The following WWC1 variants were observed in gnomAD, a reference collection of about 807,000 sequenced individuals.
WWC1 encodes protein KIBRA.
A neutral mutation model predicts 138.4 loss-of-function variants in WWC1; 55 were observed. The observed-to-expected ratio is 0.40, with a 90% CI of 0.32 to 0.50. The LOEUF is 0.50. Among genes scored for constraint, WWC1 ranks in the 20% least tolerant of loss-of-function variants. WWC1 has a pLI of 0.72. For synonymous variants in WWC1, 524 were observed against 564.9 expected (o/e 0.93, Z 1.03); for missense variants, 1,226 against 1,420.4 (o/e 0.86, Z 2.20).
intron 4 of WWC1, among the ~76,000 whole-genome samples, chr5:168,398,785 G>A (rs1313541738): frequency 6.6e-6 from 1 of 152,196 alleles, no homozygotes; most frequent in East Asian, 1.9e-4. Context: ...GTGTAACCAG[G>A]AGAGGTCTGC....
chr5:168,380,977 G>A (rs1291187339), intron 2 of WWC1, among the ~76,000 whole-genome samples: 1 of 151,964 alleles, frequency 6.6e-6, no homozygotes, highest in Non-Finnish European at 1.5e-5. Context: ...AAATTGCCTG[G>A]GAGCGTCCAG....
chr5:168,359,036 GT>G (rs1561654998), intron 1 of WWC1, among the ~76,000 whole-genome samples: 2 of 16,866 alleles, frequency 1.2e-4, no homozygotes. Context: ...GTGGTGGGGT[GT>G]GTGTGTGTGT....
intron 17 of WWC1, 127 bp from the exon 18 acceptor site, chr5:168,453,841 C>G: frequency 6.7e-7 from 1 of 1,490,516 alleles, no homozygotes; most frequent in Admixed American, 2.7e-5. Flanking sequence ...CCTGGCCCCC[C>G]AAAACTTTTT....
At chr5:168,373,785 G>C (rs184207627) in intron 2 of WWC1, among the ~76,000 whole-genome samples, 1 of 131,382 alleles carries the variant, frequency 7.6e-6, no homozygotes, top group Non-Finnish European at 1.6e-5. Context: ...AGTGGCTCAC[G>C]CCTGTAATCC....
At chr5:168,327,958 G>A (rs1314624525) in intron 1 of WWC1, among the ~76,000 whole-genome samples, 2 of 152,208 alleles carry the variant, frequency 1.3e-5, no homozygotes, top group East Asian at 1.9e-4. Flanking sequence ...CATGTGGGTG[G>A]ATGTGGACTT....
chr5:168,438,389 C>T (rs1359211808), intron 15 of WWC1, among the ~76,000 whole-genome samples: 1 of 152,154 alleles, frequency 6.6e-6, no homozygotes, highest in Non-Finnish European at 1.5e-5. Context: ...GCTTTTCCCA[C>T]TTTTGTTCGG....
At chr5:168,442,340 T>G (rs2152871975) in intron 16 of WWC1, among the ~76,000 whole-genome samples, 1 of 149,394 alleles carries the variant, frequency 6.7e-6, no homozygotes, top group East Asian at 2.0e-4. Context: ...CGGAGCCTCA[T>G]GCCTATAATC....
chr5:168,452,240 G>T (rs150624912), intron 17 of WWC1, among the ~76,000 whole-genome samples: 1 of 152,090 alleles, frequency 6.6e-6, no homozygotes, highest in African/African-American at 2.4e-5. Context: ...TATACTTACC[G>T]TATGACCCAG....
chr5:168,451,901 G>GTTTTT (rs1299790742), intron 17 of WWC1, among the ~76,000 whole-genome samples: 6 of 83,016 alleles, frequency 7.2e-5, no homozygotes, highest in Admixed American at 1.5e-4. Flanking sequence ...ATTTGTTGGT[G>GTTTTT]TCTTTTTTTT....
chr5:168,296,090 G>T (rs1769516939), intron 1 of WWC1, among the ~76,000 whole-genome samples: 1 of 152,202 alleles, frequency 6.6e-6, no homozygotes, highest in African/African-American at 2.4e-5. Flanking sequence ...TAGCGAAGGG[G>T]CCAGCGTCCT....
At chr5:168,358,777 GAC>G (rs1461163280) in intron 1 of WWC1, among the ~76,000 whole-genome samples, 1 of 148,834 alleles carries the variant, frequency 6.7e-6, no homozygotes, top group East Asian at 2.3e-4. Context: ...TATGAGCTTT[GAC>G]ACGCATATAT....
intron 19 of WWC1, among the ~76,000 whole-genome samples, chr5:168,455,900 A>G (rs1756270550): frequency 6.6e-6 from 1 of 152,078 alleles, no homozygotes. Flanking sequence ...TGAGGCTGCA[A>G]AATTACAGCA....
intron 2 of WWC1, among the ~76,000 whole-genome samples, chr5:168,378,299 T>A (rs1231479747): frequency 6.6e-6 from 1 of 152,056 alleles, no homozygotes; most frequent in African/African-American, 2.4e-5. Flanking sequence ...GGTAGGGAGA[T>A]GGGGGCAAAG....
At chr5:168,454,233 G>A in intron 18 of WWC1, 133 bp downstream of exon 18, 1 of 1,354,992 alleles carries the variant, frequency 7.4e-7, no homozygotes, top group Non-Finnish European at 1.0e-6. Context: ...ATAATGGAGT[G>A]GCCTTTGGGT....
intron 17 of WWC1, among the ~76,000 whole-genome samples, chr5:168,445,701 C>CAAAAAAA (rs763044458): frequency 2.0e-5 from 1 of 50,682 alleles, no homozygotes; most frequent in Non-Finnish European, 3.9e-5. Context: ...GACTCTGTCT[C>CAAAAAAA]AAAAAAAAAA....
intron 2 of WWC1, among the ~76,000 whole-genome samples, chr5:168,381,598 T>A (rs1777634761): frequency 6.6e-6 from 1 of 152,114 alleles, no homozygotes; most frequent in African/African-American, 2.4e-5. Flanking sequence ...TTGAAATTTT[T>A]AAAAAATTCT....
chr5:168,433,647 C>T (rs35974962), intron 15 of WWC1, among the ~76,000 whole-genome samples: 2,602 of 152,280 alleles, frequency 0.017, 35 homozygotes, highest in Non-Finnish European at 0.027. Context: ...AAGCAATTCT[C>T]CTGCCTTAGA....
At chr5:168,400,157 C>T (rs74334636) in intron 5 of WWC1, among the ~76,000 whole-genome samples, 5,304 of 152,040 alleles carry the variant, frequency 0.035, 325 homozygotes, top group African/African-American at 0.12. Context: ...AATACAGCTC[C>T]GTTGTGTCTT....
At chr5:168,361,391 G>A (rs1388358931) in intron 1 of WWC1, among the ~76,000 whole-genome samples, 3 of 152,190 alleles carry the variant, frequency 2.0e-5, no homozygotes, top group Admixed American at 2.0e-4. Flanking sequence ...AGTAGGTAAT[G>A]AGAAAAATGA....
Sources: allele counts gnomAD v4.1 joint callset (sites outside exome capture counted in the v4.1 genomes callset), GRCh38; gene constraint gnomAD v4.1.1; transcripts MANE v1.5; gene names NCBI Gene and HGNC (gene_info 2026-07-23, HGNC 2026-07-21).